BIN2: variants seen among roughly 807,000 people sequenced by gnomAD.
BIN2 encodes the protein bridging integrator 2, also known as breast cancer associated protein BRAP1.
Under a neutral mutation model 67.9 loss-of-function variants are expected in BIN2, and 43 were observed. The ratio of observed to expected loss-of-function variants is 0.63; its 90% CI spans 0.50 to 0.82. The LOEUF (loss-of-function observed/expected upper bound fraction) is 0.82, where lower values mean the gene tolerates loss of function less well. Among genes scored for constraint, BIN2 ranks in the 40% least tolerant of loss-of-function variants. The pLI is 0.00. For synonymous variants in BIN2, 244 were observed against 246.8 expected (o/e 0.99, Z 0.11); for missense variants, 581 against 671.6 (o/e 0.87, Z 1.49).
intron 10 of BIN2, among the ~76,000 whole-genome samples, chr12:51,289,956 T>C (rs891219447): frequency 2.0e-5 from 3 of 151,898 alleles, no homozygotes; most frequent in Admixed American, 2.0e-4. Context: ...TTTTTCAGGG[T>C]CTATTTACCA....
chr12:51,293,310 T>A (rs1417011075), intron 9 of BIN2, among the ~76,000 whole-genome samples: 1 of 152,084 alleles, frequency 6.6e-6, no homozygotes, highest in Non-Finnish European at 1.5e-5. Flanking sequence ...TATTTTTATT[T>A]ATTTTTTTAT....
chr12:51,303,195 C>T, intron 2 of BIN2, 54 bp from the exon 3 acceptor site: 1 of 1,572,110 alleles, frequency 6.4e-7, no homozygotes, highest in Non-Finnish European at 8.8e-7. Flanking sequence ...TCAAAAGATG[C>T]TCCAGAGGTC....
At chr12:51,289,519 G>A (rs1356463160) in intron 10 of BIN2, among the ~76,000 whole-genome samples, 1 of 152,082 alleles carries the variant, frequency 6.6e-6, no homozygotes, top group African/African-American at 2.4e-5. Context: ...GGAGGCTAAG[G>A]AGGGAAGATC....
At chr12:51,298,475 C>T (rs1473911244) in intron 7 of BIN2, among the ~76,000 whole-genome samples, 6 of 152,066 alleles carry the variant, frequency 3.9e-5, no homozygotes, top group Admixed American at 1.3e-4. Flanking sequence ...ATTGCTTGAA[C>T]CCGGGAGGCA....
At chr12:51,299,084 AAAAAGG>A in intron 7 of BIN2, 113 bp downstream of exon 7, 3 of 681,860 alleles carry the variant, frequency 4.4e-6, no homozygotes, top group Non-Finnish European at 7.2e-6. Context: ...CGAAAAAAAA[AAAAAGG>A]GGGCGGGGCA....
At position 51,323,956 on chromosome 12, in the gene BIN2, C is replaced by G. The variant is rs1946360098; in HGVS notation, c.81+66G>C. On this transcript the variant is annotated intron_variant, in intron 1 of 12. Coordinates refer to ENST00000615107, the MANE Select transcript of BIN2 (RefSeq NM_016293.4). ...GAGCACCCTGCCCGCCCCTCCTGCC[C>G]GGCCGGGCTCGGCCTCGGCCTCGGC... 7 of 1,585,536 alleles carry G rather than the reference C, an allele frequency of 4.4e-6. No individual in the cohort carries two copies. In the South Asian group the frequency reaches 5.7e-5, roughly 13 times the overall value.
At chr12:51,318,260 T>G (rs936257296) in intron 1 of BIN2, among the ~76,000 whole-genome samples, 1 of 146,136 alleles carries the variant, frequency 6.8e-6, no homozygotes, top group Non-Finnish European at 1.5e-5. Context: ...CATATCTCCA[T>G]TCTTTTTTTT....
chr12:51,300,258 T>C (rs540781443), intron 5 of BIN2, among the ~76,000 whole-genome samples: 39 of 152,046 alleles, frequency 2.6e-4, no homozygotes, highest in African/African-American at 9.4e-4. Flanking sequence ...GTATTAATTA[T>C]ATATATGTAA....
At position 51,285,779 on chromosome 12, in the gene BIN2, A is replaced by G. The variant is rs921794499; in HGVS notation, c.1597-992T>C. The stretch of plus-strand genomic sequence containing the variant: ...GCTGGGATTACAGGCGCCCACCACC[A>G]TGCCTGACTTTTAGTAGAGATGAGG... On this transcript the variant is annotated intron_variant, in intron 11 of 12. Transcript: ENST00000615107. 2.6e-5 allele frequency among the ~76,000 whole-genome samples: 4 copies of G among 151,936 alleles called. No individual in the cohort carries two copies. The East Asian group carries it at 7.8e-4, about 29-fold the overall frequency.
At position 51,291,953 on chromosome 12, in the gene BIN2, T is replaced by C. The variant is rs1231788909; in HGVS notation, c.1153A>G (p.Thr385Ala). Residue 385 changes from threonine to alanine, a missense_variant, in exon 10 of 13, where the codon ACA becomes GCA. Coordinates refer to ENST00000615107, the MANE Select transcript of BIN2 (RefSeq NM_016293.4). ...SPSGQPSSSATEVVLRTRTAS... is the reference protein window; with the variant it reads ...SPSGQPSSSAAEVVLRTRTAS... ...GTGCGGGTTCGGAGGACTACTTCTG[T>C]GGCAGATGATGAAGGCTGCCCTGAA... The C allele has an allele frequency of 5.0e-6, 8 of 1,614,074 alleles. No individual in the cohort carries two copies. In the Admixed American group the frequency reaches 1.3e-4, roughly 27 times the overall value.
intron 1 of BIN2, among the ~76,000 whole-genome samples, chr12:51,314,916 A>G (rs1446504094): frequency 6.6e-6 from 1 of 152,022 alleles, no homozygotes; most frequent in African/African-American, 2.4e-5. Context: ...ACAGTGGTGC[A>G]ATCACAACTT....
chr12:51,292,571 A>C (rs1325428692), intron 9 of BIN2, among the ~76,000 whole-genome samples: 1 of 152,252 alleles, frequency 6.6e-6, no homozygotes, highest in Non-Finnish European at 1.5e-5. Context: ...GAGACTGGAA[A>C]GAAACACTGC....
At chr12:51,288,413 C>T (rs998203600) in intron 10 of BIN2, among the ~76,000 whole-genome samples, 1 of 152,244 alleles carries the variant, frequency 6.6e-6, no homozygotes, top group Non-Finnish European at 1.5e-5. Context: ...TTCTTCATTG[C>T]TCACATGTCA....
intron 1 of BIN2, among the ~76,000 whole-genome samples, chr12:51,323,622 A>G (rs577935198): frequency 6.6e-6 from 1 of 152,308 alleles, no homozygotes; most frequent in Non-Finnish European, 1.5e-5. Context: ...ATTGCCCTCT[A>G]TGGAAAATTA....
At chr12:51,292,366 A>T in intron 9 of BIN2, 22 bp from the exon 10 acceptor site, 1 of 1,535,258 alleles carries the variant, frequency 6.5e-7, no homozygotes, top group Non-Finnish European at 8.7e-7. Flanking sequence ...AGGTGTTCAG[A>T]TTCAGAACGG....
rs748527283 is a variant in BIN2, at chr12:51,295,927, A to T, written c.679-49T>A. The stretch of plus-strand genomic sequence containing the variant: ...GATGCTAGCCAACTGGGAACCCGAG[A>T]GTGGCATATCCCTTCTCCCCTCCCC... On this transcript the variant is annotated intron_variant, in intron 8 of 12. Coordinates refer to ENST00000615107, the MANE Select transcript of BIN2 (RefSeq NM_016293.4). 6.1e-6 allele frequency: 9 copies of T among 1,480,180 alleles called. No individual in the cohort carries two copies. The Admixed American group carries it at 1.5e-4, about 25-fold the overall frequency. 91.7% of individuals were successfully genotyped at this position (1,480,180 alleles called of 1,614,324 possible).
intron 11 of BIN2, 75 bp from the exon 12 acceptor site, chr12:51,284,862 G>T: frequency 9.3e-7 from 1 of 1,073,950 alleles, no homozygotes; most frequent in Non-Finnish European, 1.4e-6. Flanking sequence ...TGTCTTCTGT[G>T]CCTTATACTT....
intron 1 of BIN2, among the ~76,000 whole-genome samples, chr12:51,314,301 G>T (rs1234734483): frequency 6.6e-6 from 1 of 151,938 alleles, no homozygotes; most frequent in Admixed American, 6.6e-5. Context: ...ACCCGCCTTG[G>T]CCTCGCAAAG....
chr12:51,313,848 C>T lies in BIN2; in HGVS notation c.137G>A (p.Ser46Asn), dbSNP rs770841763. ...CTGTTGTTGGTAGAAGTTGCTAGCG[C>T]TTTGTTCAAATCGTTCATCTTTGGT... ...VETKDERFEQ[S>N]ASNFYQQQAE... is the part of the protein sequence containing the mutation. Residue 46 changes from serine to asparagine, a missense_variant, in exon 2 of 13, where the codon AGC (serine) becomes AAC (asparagine). Ser to Asn is a conservative substitution (Grantham distance 46, BLOSUM62 1). Transcript: ENST00000615107. 2.5e-6 allele frequency: 4 copies of T among 1,613,830 alleles called. No homozygotes were observed. The South Asian group carries it at 4.4e-5, about 18-fold the overall frequency.
Sources: gnomAD v4.1 joint callset for allele counts (sites outside exome capture counted in the v4.1 genomes callset) on GRCh38, gnomAD v4.1.1 for gene constraint, MANE v1.5 for transcripts, NCBI Gene and HGNC (gene_info 2026-07-23, HGNC 2026-07-21) for gene names.